Variants in MED12L observed in about 807,000 individuals in gnomAD.
The protein encoded by MED12L is mediator of RNA polymerase II transcription subunit 12-like protein.
In MED12L, 60 loss-of-function variants were observed where a neutral mutation model predicts 281.3. That is an observed-to-expected ratio of 0.21 (90% confidence interval 0.17 to 0.26). The LOEUF (loss-of-function observed/expected upper bound fraction) is 0.26, where lower values mean the gene tolerates loss of function less well. MED12L is among the 10% of genes least tolerant of loss of function. The pLI, the probability that MED12L is intolerant of heterozygous loss-of-function variation, is 1.00. For synonymous variants in MED12L, 974 were observed against 987.2 expected, an observed-to-expected ratio of 0.99 and a Z score of 0.25; for missense variants, 2,146 against 2,680.9, an observed-to-expected ratio of 0.80 and a Z score of 4.41.
At chr3:151,269,790 C>A in intron 16 of MED12L, 3 of 416,964 alleles carry the variant, frequency 7.2e-6, no homozygotes, top group South Asian at 3.6e-5. Flanking sequence ...CCACTGAAGT[C>A]AAATGCAAAT....
chr3:151,390,307 A>C (rs1714032337), intron 38 of MED12L, among the ~76,000 whole-genome samples, 172 bp downstream of exon 38: 1 of 152,226 alleles, frequency 6.6e-6, no homozygotes, highest in Non-Finnish European at 1.5e-5. Flanking sequence ...AAATAGGTTA[A>C]ATTACGAGTT....
chr3:151,436,623 G>A lies in MED12L; in HGVS notation c.*3819G>A, dbSNP rs1560167216. 1 of 1,110,974 alleles carries A rather than the reference G, an allele frequency of 9.0e-7. No homozygotes were observed. Among genetic ancestry groups the A allele is most frequent in the Non-Finnish European group, 1.3e-6 (1 of 765,864 alleles). 68.8% of individuals were successfully genotyped at this position (1,110,974 alleles called of 1,614,324 possible). A position where few individuals can be genotyped will look rare whatever the true frequency, so the allele number is the denominator to read the frequency against. The stretch of plus-strand genomic sequence containing the variant: ...CAAATTCATTTACATGCCTATGGCT[G>A]CCTTTGATTAAACTTCTTCCAAAAA... On this transcript the variant is annotated 3_prime_UTR_variant, in exon 45 of 45. Coordinates refer to ENST00000687756, the MANE Select transcript of MED12L (RefSeq NM_001393769.1).
rs192558003 is a variant in MED12L, at chr3:151,226,407, C to T, written c.2250+32741C>T. Among the ~76,000 whole-genome samples the T allele has an allele frequency of 2.6e-5, 4 of 152,244 alleles. No individual in the cohort carries two copies. In the East Asian group the frequency reaches 5.8e-4, roughly 22 times the overall value. Reference sequence around the variant, plus strand: ...TAAACGTTTACGTTACAAATGAGGACAGTGATGCTTAAAATGGTTAAGTGA... The same window carrying T: ...TAAACGTTTACGTTACAAATGAGGATAGTGATGCTTAAAATGGTTAAGTGA... On this transcript the variant is annotated intron_variant, in intron 16 of 44. Transcript: ENST00000687756.
chr3:151,346,466 G>A (rs967657943), intron 16 of MED12L, among the ~76,000 whole-genome samples: 10 of 151,922 alleles, frequency 6.6e-5, no homozygotes, highest in Admixed American at 2.6e-4. Context: ...TACTTTAACC[G>A]CTTGTTTCTT....
intron 16 of MED12L, among the ~76,000 whole-genome samples, chr3:151,242,395 C>A (rs961668312): frequency 1.3e-5 from 2 of 152,352 alleles, no homozygotes; most frequent in East Asian, 1.9e-4. Context: ...TTGAAGAGAG[C>A]AGTGGTTCTC....
Position 151,116,516 on chromosome 3 carries a change from A to G in MED12L, c.204+74A>G, listed in dbSNP as rs150082545. The G allele has an allele frequency of 3.3e-3, 3,157 of 951,010 alleles. 87 individuals are homozygous for G. The South Asian group carries it at 0.042, about 13-fold the overall frequency. 58.9% of individuals were successfully genotyped at this position (951,010 alleles called of 1,614,324 possible). On this transcript the variant is annotated intron_variant, in intron 3 of 44. Transcript: ENST00000687756. The stretch of plus-strand genomic sequence containing the variant: ...GTGACACCCTTAATAATCACTGTTG[A>G]TAAATTAGTGTTGTTTAAGCCACAG...
chr3:151,203,174 A>T (rs994784964), intron 16 of MED12L: 20 of 152,216 alleles, frequency 1.3e-4, no homozygotes, highest in African/African-American at 4.8e-4. Context: ...CTGTTTGGTT[A>T]GCCGCAGCAG....
At chr3:151,410,692 G>T (rs147501694) in intron 40 of MED12L, among the ~76,000 whole-genome samples, 11 of 152,266 alleles carry the variant, frequency 7.2e-5, no homozygotes, top group African/African-American at 2.4e-4. Context: ...GGTCCAGCCC[G>T]TACTAGAGGA....
intron 11 of MED12L, among the ~76,000 whole-genome samples, chr3:151,183,898 G>A (rs1471240727): frequency 1.3e-5 from 2 of 152,152 alleles, no homozygotes; most frequent in Non-Finnish European, 2.9e-5. Flanking sequence ...AGTATTTTTA[G>A]GGTAACTCTT....
rs1754501685 is a variant in MED12L at position 151,360,711 on chromosome 3, G to A, written c.2957+106G>A. 3 of 1,043,044 alleles carry A rather than the reference G, an allele frequency of 2.9e-6. No homozygotes were observed. In the South Asian group the frequency reaches 4.7e-5, roughly 16 times the overall value. 64.6% of individuals were successfully genotyped at this position (1,043,044 alleles called of 1,614,324 possible). A position where few individuals can be genotyped will look rare whatever the true frequency, so the allele number is the denominator to read the frequency against. On this transcript the variant is annotated intron_variant, in intron 21 of 44. Transcript: ENST00000687756. The stretch of plus-strand genomic sequence containing the variant: ...TGAATAATGAAAGCTAATTGCAATT[G>A]TATCTATTAGGCAGTAATTTTGATA...
intron 16 of MED12L, among the ~76,000 whole-genome samples, chr3:151,226,115 A>T (rs1408377766): frequency 6.6e-6 from 1 of 152,204 alleles, no homozygotes; most frequent in Non-Finnish European, 1.5e-5. Flanking sequence ...AAGGTATGAC[A>T]TGGGGTCATC....
At chr3:151,213,615 G>A in intron 16 of MED12L, 1 of 1,614,154 alleles carries the variant, frequency 6.2e-7, no homozygotes, top group Non-Finnish European at 8.5e-7. Context: ...TGCTGAATAT[G>A]TTGCGGCTAG....
At chr3:151,378,294 A>G (rs1711579951) in intron 31 of MED12L, 121 bp downstream of exon 31, 5 of 1,029,764 alleles carry the variant, frequency 4.9e-6, no homozygotes, top group Non-Finnish European at 6.7e-6. Flanking sequence ...TTTAAATGGA[A>G]CTGGGAATAT....
At chr3:151,333,923 A>G (rs761930503) in intron 16 of MED12L, among the ~76,000 whole-genome samples, 11 of 151,654 alleles carry the variant, frequency 7.3e-5, no homozygotes, top group Non-Finnish European at 1.6e-4. Flanking sequence ...ACTAAAAATA[A>G]GAAAATTAGC....
chr3:151,188,357 TGTG>T lies in MED12L; in HGVS notation c.1634_1636del (p.Gly545del). ...GTTATTTATTTTTAATCTGTAGAGATGTGGTGAATCAGAAGTCTTAGATGAGAA... is the reference window on the plus strand; with the variant it reads ...GTTATTTATTTTTAATCTGTAGAGATGTGAATCAGAAGTCTTAGATGAGAA... On this transcript the variant is annotated inframe_deletion, in exon 13 of 45. Transcript: ENST00000687756. 1 of 1,597,618 alleles carries T rather than the reference TGTG, an allele frequency of 6.3e-7. No homozygotes were observed. The highest frequency in any genetic ancestry group is 2.2e-5 in the East Asian group (1 of 44,752).
chr3:151,385,323 T>C, intron 36 of MED12L, 132 bp downstream of exon 36: 1 of 545,046 alleles, frequency 1.8e-6, no homozygotes, highest in Middle Eastern at 4.9e-4. Context: ...GCTTGTCTTC[T>C]AAGTGTACTT....
intron 16 of MED12L, chr3:151,261,249 A>T (rs1026625609): frequency 1.3e-5 from 2 of 152,222 alleles, no homozygotes; most frequent in Non-Finnish European, 2.9e-5. Context: ...AGACCAAAAA[A>T]AAACCCCAAA....
intron 16 of MED12L, among the ~76,000 whole-genome samples, chr3:151,240,132 G>C (rs545071081): frequency 1.4e-4 from 21 of 151,724 alleles, no homozygotes; most frequent in African/African-American, 4.1e-4. Flanking sequence ...CAGGACCATT[G>C]TTCTGGCCAG....
chr3:151,331,022 C>T (rs548833606), intron 16 of MED12L, among the ~76,000 whole-genome samples: 1 of 152,242 alleles, frequency 6.6e-6, no homozygotes, highest in African/African-American at 2.4e-5. Flanking sequence ...AAATTCTGTG[C>T]AGGATAATTT....
Sources: gnomAD v4.1 joint callset for allele counts (sites outside exome capture counted in the v4.1 genomes callset) on GRCh38, gnomAD v4.1.1 for gene constraint, MANE v1.5 for transcripts, NCBI Gene and HGNC (gene_info 2026-07-23, HGNC 2026-07-21) for gene names.